Variants in CCSER1 observed in about 807,000 individuals in gnomAD.
CCSER1 encodes the protein serine-rich coiled-coil domain-containing protein 1.
Under a neutral mutation model 82.0 loss-of-function variants are expected in CCSER1, and 41 were observed. That is an observed-to-expected ratio of 0.50 (90% confidence interval 0.39 to 0.65). The LOEUF (loss-of-function observed/expected upper bound fraction) is 0.65, where lower values mean the gene tolerates loss of function less well. Ranked by LOEUF, CCSER1 falls within the 30% of genes least tolerant of loss-of-function variation. The pLI, the probability that CCSER1 is intolerant of heterozygous loss-of-function variation, is 0.00. For synonymous variants in CCSER1, 414 were observed against 383.9 expected (o/e 1.08, Z -0.92); for missense variants, 1,119 against 1,064.2 (o/e 1.05, Z -0.72).
At chr4:90,859,752 CAT>C (rs59962156) in intron 8 of CCSER1, among the ~76,000 whole-genome samples, 3,421 of 151,812 alleles carry the variant, frequency 0.023, 127 homozygotes, top group African/African-American at 0.077. Flanking sequence ...CTACTAAACA[CAT>C]GTTTCTTTGC....
At chr4:90,245,420 C>T (rs1721247194) in intron 1 of CCSER1, among the ~76,000 whole-genome samples, 1 of 149,270 alleles carries the variant, frequency 6.7e-6, no homozygotes, top group African/African-American at 2.6e-5. Flanking sequence ...TCTCTAAGGT[C>T]ATGGTAGGAT....
At chr4:90,910,742 C>A (rs1726207246) in intron 8 of CCSER1, among the ~76,000 whole-genome samples, 1 of 152,110 alleles carries the variant, frequency 6.6e-6, no homozygotes, top group Admixed American at 6.5e-5. Context: ...AGAGTCTTGA[C>A]CCATTTTTTA....
At chr4:91,169,377 T>G (rs1289986777) in intron 10 of CCSER1, among the ~76,000 whole-genome samples, 1 of 152,048 alleles carries the variant, frequency 6.6e-6, no homozygotes, top group African/African-American at 2.4e-5. Flanking sequence ...TCCCAGCACT[T>G]TGGGAGGCCG....
intron 10 of CCSER1, among the ~76,000 whole-genome samples, chr4:91,086,321 G>T (rs188113004): frequency 6.6e-6 from 1 of 152,130 alleles, no homozygotes; most frequent in Admixed American, 6.6e-5. Flanking sequence ...TTTTAAAACT[G>T]ACTTACTGAG....
intron 5 of CCSER1, among the ~76,000 whole-genome samples, chr4:90,550,163 G>A (rs6841653): frequency 6.6e-6 from 1 of 151,864 alleles, no homozygotes; most frequent in African/African-American, 2.4e-5. Flanking sequence ...GCAAGGGGTA[G>A]TTATAAAGAG....
At chr4:90,917,843 T>G (rs554405668) in intron 8 of CCSER1, among the ~76,000 whole-genome samples, 1 of 152,196 alleles carries the variant, frequency 6.6e-6, no homozygotes, top group African/African-American at 2.4e-5. Context: ...AATTTTCTCA[T>G]GTTGAATTAT....
At chr4:90,855,965 A>T (rs1413212606) in intron 8 of CCSER1, among the ~76,000 whole-genome samples, 1 of 152,154 alleles carries the variant, frequency 6.6e-6, no homozygotes, top group African/African-American at 2.4e-5. Context: ...ACTAATTTAT[A>T]TATTAATATG....
At chr4:90,774,159 T>G (rs1007224860) in intron 7 of CCSER1, among the ~76,000 whole-genome samples, 3 of 152,140 alleles carry the variant, frequency 2.0e-5, no homozygotes, top group African/African-American at 7.2e-5. Context: ...AAGGTTACAT[T>G]TTGATCTCAG....
At chr4:90,969,291 T>A (rs1302124064) in intron 9 of CCSER1, among the ~76,000 whole-genome samples, 1 of 151,944 alleles carries the variant, frequency 6.6e-6, no homozygotes, top group Non-Finnish European at 1.5e-5. Context: ...AACATCCACG[T>A]TCATGAAGTT....
At chr4:90,916,439 G>C (rs1051343467) in intron 8 of CCSER1, among the ~76,000 whole-genome samples, 1 of 152,082 alleles carries the variant, frequency 6.6e-6, no homozygotes, top group African/African-American at 2.4e-5. Flanking sequence ...AACAAATGGT[G>C]CTGGGAAAAC....
intron 9 of CCSER1, among the ~76,000 whole-genome samples, chr4:91,054,525 C>T (rs1743274761): frequency 6.6e-6 from 1 of 152,044 alleles, no homozygotes; most frequent in African/African-American, 2.4e-5. Flanking sequence ...TTAATATAGT[C>T]ACCCTTGCTC....
intron 10 of CCSER1, among the ~76,000 whole-genome samples, chr4:91,587,719 C>T (rs7685574): frequency 0.43 from 64,890 of 151,338 alleles, 14,252 homozygotes; most frequent in East Asian, 0.59. Flanking sequence ...ACATCGAATG[C>T]AGATCTTGTG....
At chr4:91,438,521 C>T (rs1005974566) in intron 10 of CCSER1, among the ~76,000 whole-genome samples, 7 of 152,054 alleles carry the variant, frequency 4.6e-5, no homozygotes, top group African/African-American at 1.4e-4. Context: ...GATAAAACCA[C>T]AAAGATGGGG....
chr4:91,287,200 G>T (rs1164810495), intron 10 of CCSER1, among the ~76,000 whole-genome samples: 1 of 151,406 alleles, frequency 6.6e-6, no homozygotes, highest in Non-Finnish European at 1.5e-5. Flanking sequence ...AAAAATTCAA[G>T]AAAAAAGTCA....
chr4:90,650,286 CTTT>C (rs1171594466), intron 6 of CCSER1, among the ~76,000 whole-genome samples: 1 of 151,852 alleles, frequency 6.6e-6, no homozygotes, highest in Non-Finnish European at 1.5e-5. Context: ...GAGGAAGAAT[CTTT>C]TTGAGCAAAA....
At chr4:91,450,433 G>A (rs949728901) in intron 10 of CCSER1, among the ~76,000 whole-genome samples, 1 of 151,978 alleles carries the variant, frequency 6.6e-6, no homozygotes, top group Non-Finnish European at 1.5e-5. Flanking sequence ...AATTTACTCT[G>A]TAGCCCTAAA....
chr4:91,120,864 C>T (rs1235228705), intron 10 of CCSER1, among the ~76,000 whole-genome samples: 1 of 151,738 alleles, frequency 6.6e-6, no homozygotes, highest in African/African-American at 2.4e-5. Context: ...CCAGGAAAAT[C>T]AGGGGATGTG....
intron 10 of CCSER1, among the ~76,000 whole-genome samples, chr4:91,099,001 T>G (rs1724791576): frequency 6.6e-6 from 1 of 152,174 alleles, no homozygotes; most frequent in African/African-American, 2.4e-5. Context: ...ATTTGGAAAT[T>G]ATAGGAGATA....
At chr4:90,466,255 G>A (rs1346304516) in intron 4 of CCSER1, among the ~76,000 whole-genome samples, 1 of 152,162 alleles carries the variant, frequency 6.6e-6, no homozygotes, top group African/African-American at 2.4e-5. Context: ...TTCCCTAGTT[G>A]GTAGCAAAAG....
Sources: allele counts gnomAD v4.1 joint callset (sites outside exome capture counted in the v4.1 genomes callset), GRCh38; gene constraint gnomAD v4.1.1; transcripts MANE v1.5; gene names NCBI Gene and HGNC (gene_info 2026-07-23, HGNC 2026-07-21).